SDC2: variants seen among roughly 807,000 people sequenced by gnomAD.
SDC2 encodes the protein syndecan-2.
In SDC2, 13 loss-of-function variants were observed where a neutral mutation model predicts 22.2. That is an observed-to-expected ratio of 0.59 (90% CI 0.38 to 0.93). SDC2 has a LOEUF of 0.93. Ranked by LOEUF, SDC2 falls within the 40% of genes least tolerant of loss-of-function variation. The pLI, the probability that SDC2 is intolerant of heterozygous loss-of-function variation, is 0.00. For missense variants in SDC2, 235 were observed against 246.8 expected, an observed-to-expected ratio of 0.95 and a Z score of 0.32; for synonymous variants, 94 against 92.8, an observed-to-expected ratio of 1.01 and a Z score of -0.07.
At chr8:96,599,389 A>G (rs1481638698) in intron 2 of SDC2, among the ~76,000 whole-genome samples, 1 of 152,086 alleles carries the variant, frequency 6.6e-6, no homozygotes, top group African/African-American at 2.4e-5. Context: ...CTAGACTGAA[A>G]TTTTTCATTT....
Position 96,576,374 on chromosome 8 carries a change from G to GTTTTTTTTTTTTTTTTTTT in SDC2, c.61-17102_61-17101insTTTTTTTTTTTTTTTTTTT, listed in dbSNP as rs1225034584. 9.8e-4 allele frequency among the ~76,000 whole-genome samples: 40 copies of GTTTTTTTTTTTTTTTTTTT among 40,610 alleles called. 4 individuals are homozygous for GTTTTTTTTTTTTTTTTTTT. The highest frequency in any genetic ancestry group is 0.019 in the Middle Eastern group (1 of 52). 26.6% of individuals were successfully genotyped at this position (40,610 alleles called of 152,430 possible). A position where few individuals can be genotyped will look rare whatever the true frequency, so the allele number is the denominator to read the frequency against. Reference sequence around the variant, plus strand: ...GTTCAATAATTGGTAGTTTGTTTTTGTTTTGTTTTGTTTTTTTTTACCAGA... The same window carrying GTTTTTTTTTTTTTTTTTTT: ...GTTCAATAATTGGTAGTTTGTTTTTGTTTTTTTTTTTTTTTTTTTTTTTGTTTTGTTTTTTTTTACCAGA... On this transcript the variant is annotated intron_variant, in intron 1 of 4. Coordinates refer to ENST00000302190, the MANE Select transcript of SDC2 (RefSeq NM_002998.4).
At chr8:96,579,392 T>A (rs1328843422) in intron 1 of SDC2, among the ~76,000 whole-genome samples, 4 of 152,258 alleles carry the variant, frequency 2.6e-5, no homozygotes, top group Admixed American at 6.5e-5. Context: ...CTTTGTGCCT[T>A]TTGAAATGCT....
At chr8:96,507,011 GAAAAAAAAAA>G (rs3065030) in intron 1 of SDC2, among the ~76,000 whole-genome samples, 1 of 111,414 alleles carries the variant, frequency 9.0e-6, no homozygotes, top group Admixed American at 9.8e-5. Context: ...TCTGTCTCAG[GAAAAAAAAAA>G]AAAAAAAAAA....
intron 1 of SDC2, among the ~76,000 whole-genome samples, chr8:96,534,508 C>T (rs927754924): frequency 6.6e-6 from 1 of 152,150 alleles, no homozygotes; most frequent in Non-Finnish European, 1.5e-5. Context: ...GATGATAACT[C>T]ACTGTAACTT....
Position 96,610,772 on chromosome 8 carries a change from A to AT in SDC2, c.*1224_*1225insT, listed in dbSNP as rs1253006380. On this transcript the variant is annotated 3_prime_UTR_variant, in exon 5 of 5. Transcript: ENST00000302190. ...TCACAGTGTCTGTAAATCAAGACCAAAGAGCCTGTCGATGAGACTGTTTAT... is the reference window on the plus strand; with the variant it reads ...TCACAGTGTCTGTAAATCAAGACCAATAGAGCCTGTCGATGAGACTGTTTAT... 1 of 152,646 alleles carries AT rather than the reference A, an allele frequency of 6.6e-6. No individual in the cohort carries two copies. Among genetic ancestry groups the AT allele is most frequent in the Non-Finnish European group, 1.5e-5 (1 of 68,040 alleles). 9.5% of individuals were successfully genotyped at this position (152,646 alleles called of 1,614,324 possible).
At chr8:96,599,863 G>A (rs111772894) in intron 2 of SDC2, among the ~76,000 whole-genome samples, 68 of 152,256 alleles carry the variant, frequency 4.5e-4, no homozygotes, top group African/African-American at 1.6e-3. Context: ...GCCAGGAGCC[G>A]GGCACAGTGC....
chr8:96,544,847 C>T (rs2130521757), intron 1 of SDC2, among the ~76,000 whole-genome samples: 1 of 152,298 alleles, frequency 6.6e-6, no homozygotes, highest in South Asian at 2.1e-4. Context: ...ATAATTATCA[C>T]CTGGTTTGTG....
intron 1 of SDC2, among the ~76,000 whole-genome samples, chr8:96,542,078 G>C (rs1211026461): frequency 6.6e-6 from 1 of 152,128 alleles, no homozygotes; most frequent in East Asian, 1.9e-4. Flanking sequence ...CCATGAAAAA[G>C]CACCAGAAAT....
intron 1 of SDC2, among the ~76,000 whole-genome samples, chr8:96,501,984 G>A (rs1813172783): frequency 1.3e-5 from 1 of 75,056 alleles, no homozygotes; most frequent in Non-Finnish European, 2.5e-5. Context: ...AGTGTTCATT[G>A]TTTACTAGGA....
At chr8:96,515,569 G>T (rs1042187573) in intron 1 of SDC2, among the ~76,000 whole-genome samples, 1 of 152,140 alleles carries the variant, frequency 6.6e-6, no homozygotes, top group Non-Finnish European at 1.5e-5. Flanking sequence ...AAACAACTGG[G>T]GTGCGAAGGG....
chr8:96,559,089 T>C (rs1814166720), intron 1 of SDC2, among the ~76,000 whole-genome samples: 1 of 152,218 alleles, frequency 6.6e-6, no homozygotes, highest in South Asian at 2.1e-4. Context: ...TACTTTATGC[T>C]CAGTCTGGGC....
chr8:96,603,650 C>T (rs1022075097), intron 3 of SDC2, among the ~76,000 whole-genome samples: 1 of 152,122 alleles, frequency 6.6e-6, no homozygotes, highest in Non-Finnish European at 1.5e-5. Flanking sequence ...CTTACCCTTG[C>T]CCCAGAGTAC....
At chr8:96,521,320 T>C (rs908931777) in intron 1 of SDC2, among the ~76,000 whole-genome samples, 2 of 152,198 alleles carry the variant, frequency 1.3e-5, no homozygotes, top group Non-Finnish European at 1.5e-5. Flanking sequence ...AAGTGACAGG[T>C]AAATAGATCA....
intron 1 of SDC2, 67 bp from the exon 2 acceptor site, chr8:96,593,413 C>A: frequency 9.5e-7 from 1 of 1,051,430 alleles, no homozygotes; most frequent in Non-Finnish European, 1.5e-6. Flanking sequence ...TGTACCTGAA[C>A]AATCAGATAT....
intron 2 of SDC2, among the ~76,000 whole-genome samples, chr8:96,598,493 C>T (rs1178316876): frequency 6.6e-6 from 1 of 151,988 alleles, no homozygotes; most frequent in Non-Finnish European, 1.5e-5. Flanking sequence ...TGGCGCATGC[C>T]TGTAATCCCA....
chr8:96,553,450 GT>G (rs35596871), intron 1 of SDC2, among the ~76,000 whole-genome samples: 5,122 of 147,338 alleles, frequency 0.035, 242 homozygotes, highest in African/African-American at 0.11. Flanking sequence ...AAAATTACAG[GT>G]TTTTTTTTTT....
At chr8:96,598,244 C>T (rs1814914650) in intron 2 of SDC2, among the ~76,000 whole-genome samples, 1 of 151,044 alleles carries the variant, frequency 6.6e-6, no homozygotes. Context: ...CTTCTTAATA[C>T]TATTGCATTG....
intron 1 of SDC2, among the ~76,000 whole-genome samples, chr8:96,565,326 C>T (rs1331140912): frequency 6.6e-6 from 1 of 151,542 alleles, no homozygotes; most frequent in East Asian, 1.9e-4. Flanking sequence ...ACCTCGTGAT[C>T]TGCCCGCCTC....
At chr8:96,569,875 A>AT (rs1289350819) in intron 1 of SDC2, among the ~76,000 whole-genome samples, 2 of 152,098 alleles carry the variant, frequency 1.3e-5, no homozygotes, top group Admixed American at 6.5e-5. Context: ...TGTTAGTGCT[A>AT]TAAGGGGCCC....
Sources: gnomAD v4.1 joint callset for allele counts (sites outside exome capture counted in the v4.1 genomes callset) on GRCh38, gnomAD v4.1.1 for gene constraint, MANE v1.5 for transcripts, NCBI Gene and HGNC (gene_info 2026-07-23, HGNC 2026-07-21) for gene names.